DPP6: variants seen among roughly 807,000 people sequenced by gnomAD.
DPP6 encodes A-type potassium channel modulatory protein DPP6.
Under a neutral mutation model 122.6 loss-of-function variants are expected in DPP6, and 69 were observed. That is an observed-to-expected ratio of 0.56 (90% CI 0.46 to 0.69). The LOEUF is 0.69. Among genes scored for constraint, DPP6 ranks in the 30% least tolerant of loss-of-function variants. DPP6 has a pLI of 0.00. For synonymous variants in DPP6, 418 were observed against 433.1 expected (o/e 0.97, Z 0.43); for missense variants, 928 against 1,116.9 (o/e 0.83, Z 2.41).
At chr7:154,533,550 A>G (rs1285291417) in intron 3 of DPP6, among the ~76,000 whole-genome samples, 1 of 152,188 alleles carries the variant, frequency 6.6e-6, no homozygotes, top group East Asian at 1.9e-4. Flanking sequence ...TTTTCAGAAA[A>G]TAGAATAGAA....
At chr7:154,816,354 T>TTGTTC (rs1253156066) in intron 16 of DPP6, among the ~76,000 whole-genome samples, 1 of 152,240 alleles carries the variant, frequency 6.6e-6, no homozygotes, top group African/African-American at 2.4e-5. Context: ...TTATTAGTTA[T>TTGTTC]TGTTCTCTTA....
the DPP6 span, among the ~76,000 whole-genome samples, chr7:153,830,510 C>T: frequency 9.2e-5 from 14 of 152,142 alleles, no homozygotes; most frequent in Non-Finnish European, 1.8e-4. Flanking sequence ...GCAATTTGAC[C>T]TATGAAGACA....
intron 1 of DPP6, among the ~76,000 whole-genome samples, chr7:153,959,829 T>G (rs1795255507): frequency 6.6e-6 from 1 of 152,252 alleles, no homozygotes; most frequent in South Asian, 2.1e-4. Flanking sequence ...AACTTTGCCT[T>G]TGCACTCACA....
intron 1 of DPP6, among the ~76,000 whole-genome samples, chr7:154,039,345 A>G (rs1799655631): frequency 6.9e-6 from 1 of 144,624 alleles, no homozygotes; most frequent in Non-Finnish European, 1.5e-5. Flanking sequence ...ATGAATCTGT[A>G]GTTTTTCAAA....
At chr7:154,182,286 C>T (rs1012030194) in intron 1 of DPP6, among the ~76,000 whole-genome samples, 1 of 152,162 alleles carries the variant, frequency 6.6e-6, no homozygotes, top group Non-Finnish European at 1.5e-5. Flanking sequence ...CCAGGATTGC[C>T]TAGGTAACAG....
intron 1 of DPP6, among the ~76,000 whole-genome samples, chr7:154,363,697 T>C (rs1158278855): frequency 1.3e-5 from 2 of 152,250 alleles, no homozygotes; most frequent in Non-Finnish European, 2.9e-5. Flanking sequence ...AAGACTCTAT[T>C]GTAGCTGAAT....
the DPP6 span, among the ~76,000 whole-genome samples, chr7:153,784,025 G>A: frequency 1.3e-5 from 2 of 152,184 alleles, no homozygotes; most frequent in Non-Finnish European, 2.9e-5. Context: ...GCTATACCTG[G>A]AACACAGTAG....
intron 7 of DPP6, among the ~76,000 whole-genome samples, chr7:154,673,690 G>T (rs1838709325): frequency 6.6e-6 from 1 of 152,160 alleles, no homozygotes; most frequent in African/African-American, 2.4e-5. Flanking sequence ...GATTAAATGA[G>T]AAATCCTAGG....
chr7:154,242,304 G>C (rs140386598), intron 1 of DPP6, among the ~76,000 whole-genome samples: 1 of 152,158 alleles, frequency 6.6e-6, no homozygotes, highest in Non-Finnish European at 1.5e-5. Context: ...ATAACTAATA[G>C]TGTGAAGCAG....
chr7:154,326,357 TC>T (rs1808444637), intron 1 of DPP6, among the ~76,000 whole-genome samples: 1 of 152,028 alleles, frequency 6.6e-6, no homozygotes, highest in Admixed American at 6.6e-5. Context: ...TGCGGTCGAG[TC>T]TTTTGTATTC....
chr7:154,553,120 AAGATTATAAACAAAACATCGAC>A (rs1195901049), intron 4 of DPP6, among the ~76,000 whole-genome samples: 1 of 152,248 alleles, frequency 6.6e-6, no homozygotes, highest in Non-Finnish European at 1.5e-5. Context: ...GTAGAAGGTA[AAGATTATAAACAAAACATCGAC>A]AGTGGCTGCT....
intron 1 of DPP6, among the ~76,000 whole-genome samples, chr7:154,398,686 AGGT>A (rs1326707784): frequency 6.6e-6 from 1 of 152,092 alleles, no homozygotes; most frequent in Non-Finnish European, 1.5e-5. Flanking sequence ...GCAGAAAATG[AGGT>A]GTGCCAGGTG....
At chr7:154,713,495 T>C (rs1014430035) in intron 7 of DPP6, among the ~76,000 whole-genome samples, 2 of 152,258 alleles carry the variant, frequency 1.3e-5, no homozygotes, top group African/African-American at 4.8e-5. Context: ...ATACATCTTC[T>C]GAAATCTAGG....
chr7:154,195,737 G>T (rs780744694), intron 1 of DPP6, among the ~76,000 whole-genome samples: 1 of 152,160 alleles, frequency 6.6e-6, no homozygotes, highest in Non-Finnish European at 1.5e-5. Flanking sequence ...GGTGTTAGGT[G>T]ATATTTCCAA....
intron 1 of DPP6, among the ~76,000 whole-genome samples, chr7:154,343,726 G>A (rs1018840532): frequency 6.6e-6 from 1 of 152,186 alleles, no homozygotes; most frequent in African/African-American, 2.4e-5. Flanking sequence ...GATTACAGGC[G>A]TGTGCCACCA....
At chr7:154,085,294 A>C (rs1804325482) in intron 1 of DPP6, among the ~76,000 whole-genome samples, 1 of 152,230 alleles carries the variant, frequency 6.6e-6, no homozygotes, top group Middle Eastern at 3.4e-3. Context: ...CGCCACTCTC[A>C]AGCTTTTCCG....
intron 3 of DPP6, among the ~76,000 whole-genome samples, chr7:154,490,429 A>G (rs1310014403): frequency 1.3e-5 from 2 of 152,218 alleles, no homozygotes; most frequent in African/African-American, 4.8e-5. Flanking sequence ...TGAAGGTCAC[A>G]GCAGAAGTGC....
Position 154,052,979 on chromosome 7 carries a change from C to T in DPP6, c.159C>T (p.Pro53=). The part of the protein sequence containing the change: ...PLGPRAQAAA[P]RERGGGGGGA... ...GCCCGCGGGCGCAGGCGGCGGCGCC[C>T]CGGGAGCGCGGCGGCGGCGGCGGCG... Residue 53 remains proline, a synonymous_variant, in exon 1 of 26, where the codon CCC becomes CCT. Transcript: ENST00000377770. This position sits in a 1 kb window ranked among gnomAD's most constrained non-coding sequence, Gnocchi z 4.8. The T allele has an allele frequency of 9.1e-7, 1 of 1,096,572 alleles. No homozygotes were observed. The highest frequency in any genetic ancestry group is 4.3e-5 in the South Asian group (1 of 23,318). 67.9% of individuals were successfully genotyped at this position (1,096,572 alleles called of 1,614,324 possible).
chr7:153,849,632 T>C, the DPP6 span, among the ~76,000 whole-genome samples: 1 of 152,228 alleles, frequency 6.6e-6, no homozygotes. Context: ...GAAGTTTTCC[T>C]ACTGGCTTTT....
Sources: gnomAD v4.1 joint callset for allele counts (sites outside exome capture counted in the v4.1 genomes callset) on GRCh38, gnomAD v4.1.1 for gene constraint, Gnocchi (gnomAD v3.1) non-coding constraint, MANE v1.5 for transcripts, NCBI Gene and HGNC (gene_info 2026-07-23, HGNC 2026-07-21) for gene names.